Variants in CNTN4 observed in about 807,000 individuals in gnomAD.
The protein encoded by CNTN4 is contactin 4.
Under a neutral mutation model 122.5 loss-of-function variants are expected in CNTN4, and 77 were observed. The observed-to-expected ratio is 0.63, with a 90% CI of 0.52 to 0.76. CNTN4 has a LOEUF of 0.76. Among genes scored for constraint, CNTN4 ranks in the 30% least tolerant of loss-of-function variants. The pLI, the probability that CNTN4 is intolerant of heterozygous loss-of-function variation, is 0.00. For missense variants in CNTN4, 1,256 were observed against 1,259.1 expected (o/e 1.00, Z 0.04); for synonymous variants, 512 against 447.0 (o/e 1.15, Z -1.83).
chr3:2,851,904 C>A (rs776308289), intron 7 of CNTN4, among the ~76,000 whole-genome samples: 7 of 152,276 alleles, frequency 4.6e-5, no homozygotes, highest in Non-Finnish European at 7.4e-5. Flanking sequence ...TTAGATAGTT[C>A]TCTCTGCTTC....
At chr3:2,864,764 T>C (rs2093706452) in intron 7 of CNTN4, among the ~76,000 whole-genome samples, 2 of 63,588 alleles carry the variant, frequency 3.1e-5, no homozygotes, top group Non-Finnish European at 6.5e-5. Flanking sequence ...AAGTTTCCGG[T>C]ATTTGATTCC....
chr3:2,356,993 A>G (rs1018961554), intron 3 of CNTN4, among the ~76,000 whole-genome samples: 1 of 152,200 alleles, frequency 6.6e-6, no homozygotes, highest in African/African-American at 2.4e-5. Flanking sequence ...ATTTATGCAG[A>G]TTAGATGGTA....
intron 14 of CNTN4, among the ~76,000 whole-genome samples, chr3:3,006,217 G>A (rs561635970): frequency 5.6e-4 from 85 of 152,216 alleles, no homozygotes; most frequent in East Asian, 1.7e-3. Flanking sequence ...TTATCTAAAC[G>A]TACTTTTGGT....
At chr3:2,920,078 A>G (rs1480262583) in intron 12 of CNTN4, among the ~76,000 whole-genome samples, 1 of 151,996 alleles carries the variant, frequency 6.6e-6, no homozygotes, top group African/African-American at 2.4e-5. Context: ...GTCAGTTTTC[A>G]TAGAGCCCGA....
At chr3:3,035,938 AAAAC>A (rs2125711828) in intron 17 of CNTN4, among the ~76,000 whole-genome samples, 1 of 152,260 alleles carries the variant, frequency 6.6e-6, no homozygotes, top group African/African-American at 2.4e-5. Flanking sequence ...AAAAAAAAAA[AAAAC>A]ATTGTTAGCA....
intron 3 of CNTN4, among the ~76,000 whole-genome samples, chr3:2,525,599 T>C (rs138494184): frequency 1.3e-5 from 2 of 152,306 alleles, no homozygotes; most frequent in African/African-American, 4.8e-5. Context: ...AAAAATACAG[T>C]ATTTTACATT....
chr3:2,170,719 CTT>C, intron 2 of CNTN4, among the ~76,000 whole-genome samples: 1 of 152,100 alleles, frequency 6.6e-6, no homozygotes, highest in East Asian at 1.9e-4. Flanking sequence ...GAATGGGAGA[CTT>C]TACTAGATAT....
At chr3:2,928,451 A>C (rs187765698) in intron 13 of CNTN4, among the ~76,000 whole-genome samples, 347 of 152,316 alleles carry the variant, frequency 2.3e-3, no homozygotes, top group African/African-American at 7.7e-3. Context: ...TGATGAGTAA[A>C]AAATTTTAGA....
At chr3:2,108,165 C>CTTT (rs55760208) in intron 2 of CNTN4, among the ~76,000 whole-genome samples, 2 of 124,052 alleles carry the variant, frequency 1.6e-5, no homozygotes, top group African/African-American at 6.0e-5. Context: ...TGTGCCTTTT[C>CTTT]TTTTTTTTTT....
intron 4 of CNTN4, among the ~76,000 whole-genome samples, chr3:2,582,767 A>G (rs1187653416): frequency 1.3e-5 from 2 of 152,120 alleles, no homozygotes; most frequent in African/African-American, 4.8e-5. Context: ...TGGCATCCCT[A>G]GGAAGCAGGA....
At chr3:2,149,017 T>A (rs2035379373) in intron 2 of CNTN4, among the ~76,000 whole-genome samples, 2 of 151,928 alleles carry the variant, frequency 1.3e-5, no homozygotes, top group African/African-American at 4.8e-5. Context: ...TTACTGCAAT[T>A]TCAAACACTG....
chr3:2,577,640 G>A (rs1224348357), intron 4 of CNTN4, among the ~76,000 whole-genome samples: 2 of 152,182 alleles, frequency 1.3e-5, no homozygotes, highest in Non-Finnish European at 2.9e-5. Context: ...GATAGGGTTA[G>A]AGCTCAGCCT....
At chr3:2,724,577 A>G (rs1280608280) in intron 4 of CNTN4, among the ~76,000 whole-genome samples, 1 of 152,190 alleles carries the variant, frequency 6.6e-6, no homozygotes, top group African/African-American at 2.4e-5. Flanking sequence ...GTGCCAAATT[A>G]CAAACCTGAA....
intron 3 of CNTN4, among the ~76,000 whole-genome samples, chr3:2,478,570 C>G (rs1044121281): frequency 6.6e-6 from 1 of 152,112 alleles, no homozygotes; most frequent in Non-Finnish European, 1.5e-5. Flanking sequence ...CTTCCTGATC[C>G]TCTCCCTCCG....
chr3:2,679,148 T>A (rs796131004), intron 4 of CNTN4, among the ~76,000 whole-genome samples: 2 of 152,204 alleles, frequency 1.3e-5, no homozygotes, highest in African/African-American at 4.8e-5. Flanking sequence ...TTCCTGCCTA[T>A]CTGTCAAATG....
Position 2,883,173 on chromosome 3 carries a change from A to C in CNTN4, c.681A>C (p.Ile227=). Residue 227 remains isoleucine, a synonymous_variant, in exon 9 of 25, where the codon ATA becomes ATC. Transcript: ENST00000418658. ...DGVMGEYEPK[I]EVQFPETVPT... ...TGATGGGTGAATATGAGCCCAAAATAGAAGTGCAGTTCCCAGAAACAGTTC... is the reference window on the plus strand; with the variant it reads ...TGATGGGTGAATATGAGCCCAAAATCGAAGTGCAGTTCCCAGAAACAGTTC... 1.9e-6 allele frequency: 3 copies of C among 1,613,868 alleles called. No individual in the cohort carries two copies. The highest frequency in any genetic ancestry group is 2.5e-6 in the Non-Finnish European group (3 of 1,179,820).
intron 2 of CNTN4, among the ~76,000 whole-genome samples, chr3:2,289,154 G>A (rs540597728): frequency 1.3e-4 from 20 of 152,048 alleles, no homozygotes; most frequent in African/African-American, 4.6e-4. Context: ...TCATACATTC[G>A]CTTTAGAAAT....
intron 4 of CNTN4, among the ~76,000 whole-genome samples, chr3:2,682,781 T>C (rs910415809): frequency 2.6e-5 from 4 of 152,114 alleles, no homozygotes; most frequent in Non-Finnish European, 5.9e-5. Context: ...CATGAGTCCA[T>C]TTCCAGTGGC....
intron 3 of CNTN4, among the ~76,000 whole-genome samples, chr3:2,461,578 C>A (rs574699853): frequency 6.6e-6 from 1 of 152,296 alleles, no homozygotes; most frequent in African/African-American, 2.4e-5. Context: ...CGACTTGTAT[C>A]ACTAGCCAAC....
Sources: allele counts gnomAD v4.1 joint callset (sites outside exome capture counted in the v4.1 genomes callset), GRCh38; gene constraint gnomAD v4.1.1; transcripts MANE v1.5; gene names NCBI Gene and HGNC (gene_info 2026-07-23, HGNC 2026-07-21).